Variants in PLIN1 observed in about 807,000 individuals in gnomAD.
PLIN1 encodes perilipin-1.
In PLIN1, 37 loss-of-function variants were observed where a neutral mutation model predicts 45.8. That is an observed-to-expected ratio of 0.81 (90% CI 0.62 to 1.06). The LOEUF (loss-of-function observed/expected upper bound fraction) is 1.06, where lower values mean the gene tolerates loss of function less well. Among genes scored for constraint, PLIN1 ranks in the 50% least tolerant of loss-of-function variants. PLIN1 has a pLI of 0.00. For synonymous variants in PLIN1, 340 were observed against 309.2 expected (o/e 1.10, Z -1.05); for missense variants, 776 against 716.5 (o/e 1.08, Z -0.95).
In PLIN1 at chr15:89,665,896, A is replaced by G. The variant is rs933955180; in HGVS notation, c.1256T>C (p.Ile419Thr). ...LMEPESEFRDIDNPPAEVERR... is the reference protein window; with the variant it reads ...LMEPESEFRDTDNPPAEVERR... Reference sequence around the variant, plus strand: ...CTCGACCTCGGCTGGTGGGTTGTCGATGTCCCGGAATTCGCTCTCGGGCTC... The same window carrying G: ...CTCGACCTCGGCTGGTGGGTTGTCGGTGTCCCGGAATTCGCTCTCGGGCTC... The change falls in exon 9 of 9, where the codon ATC (isoleucine) becomes ACC (threonine). Residue 419 changes from isoleucine to threonine, a missense_variant. Transcript: ENST00000300055. 17 of 1,534,194 alleles carry G rather than the reference A, an allele frequency of 1.1e-5. No individual in the cohort carries two copies. Among genetic ancestry groups the G allele is most frequent in the Non-Finnish European group, 1.5e-5 (17 of 1,149,792 alleles).
In PLIN1 at chr15:89,670,642, C is replaced by T. The variant is rs8179039; in HGVS notation, c.334-398G>A. Among the ~76,000 whole-genome samples the T allele has an allele frequency of 7.1e-3, 1,080 of 152,320 alleles. 40 individuals are homozygous for T. Among genetic ancestry groups the T allele is most frequent in the Admixed American group, 0.052 (799 of 15,298 alleles). ...GCTTGATCTTCCTACAAGTTCTGCACTGAAATAATTTGTCTTTTTCTTCAT... is the reference window on the plus strand; with the variant it reads ...GCTTGATCTTCCTACAAGTTCTGCATTGAAATAATTTGTCTTTTTCTTCAT... On this transcript the variant is annotated intron_variant, in intron 4 of 8. Coordinates refer to ENST00000300055, the MANE Select transcript of PLIN1 (RefSeq NM_002666.5).
Position 89,666,945 on chromosome 15 carries a change from A to G in PLIN1, c.1200T>C (p.His400=), listed in dbSNP as rs1964351283. ...VTDNVVDTVV[H]YVPLPRLSLM... ...CAGGGGTGGTACTCACCGGCACGTA[A>G]TGCACCACTGTGTCCACCACGTTGT... The change falls in exon 8 of 9, where the codon CAT becomes CAC. Residue 400 remains histidine, a synonymous_variant. Transcript: ENST00000300055. 2.5e-6 allele frequency: 4 copies of G among 1,613,902 alleles called. No homozygotes were observed. Among genetic ancestry groups the G allele is most frequent in the Non-Finnish European group, 3.4e-6 (4 of 1,179,960 alleles).
At chr15:89,677,604 T>C in intron 1 of PLIN1, 101 bp from the exon 2 acceptor site, 1 of 956,394 alleles carries the variant, frequency 1.0e-6, no homozygotes, top group South Asian at 1.3e-5. Context: ...CCAGGCTGCC[T>C]GGGGGCCCAT....
intron 1 of PLIN1, chr15:89,677,911 C>T (rs568393140): frequency 1.1e-4 from 19 of 170,366 alleles, no homozygotes; most frequent in East Asian, 8.0e-4. Context: ...CCACCACGCC[C>T]GGCTAGTTTT....
At chr15:89,675,999 C>T (rs950648256) in intron 2 of PLIN1, among the ~76,000 whole-genome samples, 2 of 151,798 alleles carry the variant, frequency 1.3e-5, no homozygotes, top group Non-Finnish European at 2.9e-5. Flanking sequence ...TTCCTATGTT[C>T]TTTTCTGTCT....
chr15:89,672,886 C>T (rs1278497598), intron 3 of PLIN1, among the ~76,000 whole-genome samples: 1 of 152,228 alleles, frequency 6.6e-6, no homozygotes, highest in Non-Finnish European at 1.5e-5. Context: ...GCCTGTGCTG[C>T]GACAGTGAGT....
chr15:89,677,058 C>T (rs1964530040), intron 2 of PLIN1: 3 of 289,264 alleles, frequency 1.0e-5, no homozygotes, highest in Middle Eastern at 1.2e-3. Context: ...TGACATTTGC[C>T]GTTATGAATG....
In PLIN1 at chr15:89,665,735, C is replaced by G; in HGVS notation, c.1417G>C (p.Glu473Gln). ...CGCGGCGCTGCGGGCGTGGCGACTT[C>G]GTCCTCCAGGCCCGGGCCGGGGGGC... is the stretch of plus-strand genomic sequence containing the variant. Reference protein sequence around the residue: ...GAPPGPGLEDEVATPAAPRPG... With the variant: ...GAPPGPGLEDQVATPAAPRPG... The change falls in exon 9 of 9, where the codon GAA becomes CAA. Residue 473 changes from glutamate (E) to glutamine (Q), a missense_variant. By Grantham distance (29) the Glu-to-Gln change is conservative. Transcript: ENST00000300055. The G allele has an allele frequency of 6.9e-7, 1 of 1,448,996 alleles. No homozygotes were observed. 89.8% of individuals were successfully genotyped at this position (1,448,996 alleles called of 1,614,324 possible).
chr15:89,664,600 C>A lies in PLIN1; in HGVS notation c.*983G>T. On this transcript the variant is annotated 3_prime_UTR_variant, in exon 9 of 9. Transcript: ENST00000300055. ...AAAAGCAGGCATGCGTAACACCCCACAGCTTGTGTAAACACAAGCGGGGAG... is the reference window on the plus strand; with the variant it reads ...AAAAGCAGGCATGCGTAACACCCCAAAGCTTGTGTAAACACAAGCGGGGAG... 1 of 292,862 alleles carries A rather than the reference C, an allele frequency of 3.4e-6. No homozygotes were observed. The highest frequency in any genetic ancestry group is 6.7e-6 in the Non-Finnish European group (1 of 148,318). The allele number at this position is 292,862 out of a possible 1,614,324, so 18.1% of individuals were successfully genotyped here.
chr15:89,671,475 G>A lies in PLIN1; in HGVS notation c.333+7C>T. The A allele has an allele frequency of 1.3e-6, 2 of 1,557,554 alleles. No homozygotes were observed. The highest frequency in any genetic ancestry group is 1.7e-6 in the Non-Finnish European group (2 of 1,147,670). On this transcript the variant is annotated splice_region_variant and intron_variant, in intron 4 of 8. Transcript: ENST00000300055. ...CAGGGAGGCTTCGAGAGGTGGGAAG[G>A]GCTCACCTTTTCAGGGGGGTACTGG...
rs1964564128 is a variant in PLIN1, at chr15:89,679,316, A to G, written c.-80T>C. On this transcript the variant is annotated 5_prime_UTR_variant, in exon 1 of 9. Coordinates refer to ENST00000300055, the MANE Select transcript of PLIN1 (RefSeq NM_002666.5). ...AAGGCAGGTGCCCCAGGACCCCAAC[A>G]CTCACTCCGGCTGACCGCCACCTCA... 6.6e-6 allele frequency: 1 copy of G among 152,300 alleles called. No homozygotes were observed. The highest frequency in any genetic ancestry group is 2.1e-4 in the South Asian group (1 of 4,802). The allele number at this position is 152,300 out of a possible 1,614,324, so 9.4% of individuals were successfully genotyped here.
intron 6 of PLIN1, among the ~76,000 whole-genome samples, chr15:89,668,507 G>A (rs897524308): frequency 3.3e-5 from 5 of 152,188 alleles, no homozygotes; most frequent in South Asian, 2.1e-4. Context: ...TCTTTTAAGA[G>A]TGAAAAATTC....
Position 89,665,744 on chromosome 15 carries a change from G to T in PLIN1, c.1408C>A (p.Leu470Met). The change falls in exon 9 of 9, where the codon CTG (leucine) becomes ATG (methionine). Residue 470 changes from leucine to methionine, a missense_variant. Transcript: ENST00000300055. ...QSPGAPPGPGLEDEVATPAAP... is the reference protein window; with the variant it reads ...QSPGAPPGPGMEDEVATPAAP... Reference sequence around the variant, plus strand: ...GCGGGCGTGGCGACTTCGTCCTCCAGGCCCGGGCCGGGGGGCGCGCCGGGG... The same window carrying T: ...GCGGGCGTGGCGACTTCGTCCTCCATGCCCGGGCCGGGGGGCGCGCCGGGG... 7.3e-7 allele frequency: 1 copy of T among 1,365,884 alleles called. No individual in the cohort carries two copies. Among genetic ancestry groups the T allele is most frequent in the African/African-American group, 1.5e-5 (1 of 65,652 alleles). The allele number at this position is 1,365,884 out of a possible 1,614,324, so 84.6% of individuals were successfully genotyped here. A position where few individuals can be genotyped will look rare whatever the true frequency, so the allele number is the denominator to read the frequency against.
chr15:89,673,558 A>G lies in PLIN1; in HGVS notation c.46-144T>C, dbSNP rs531475769. The G allele has an allele frequency of 2.9e-5, 20 of 695,434 alleles. No individual in the cohort carries two copies. In the African/African-American group the frequency reaches 3.5e-4, roughly 12 times the overall value. The allele number at this position is 695,434 out of a possible 1,614,324, so 43.1% of individuals were successfully genotyped here. ...GAACCAAGGCCAAAGAGGTCTCTAG[A>G]TGCCCCAATCATGGGAGCGTGGGAG... On this transcript the variant is annotated intron_variant, in intron 2 of 8. Transcript: ENST00000300055.
At position 89,667,023 on chromosome 15, in the gene PLIN1, G is replaced by A. The variant is rs1387180277; in HGVS notation, c.1122C>T (p.Ser374=). The change falls in exon 8 of 9, where the codon TCC becomes TCT. Residue 374 remains serine (S), a synonymous_variant. Transcript: ENST00000300055. ...GGGACATGGCCCTCCCCTTGGTTGA[G>A]GAGACAGCAGGGGCTGGTGTGAGGT... The part of the protein sequence containing the change: ...VLHLTPAPAV[S]STKGRAMSLS... The A allele has an allele frequency of 6.2e-7, 1 of 1,614,044 alleles. No individual in the cohort carries two copies. Among genetic ancestry groups the A allele is most frequent in the East Asian group, 2.2e-5 (1 of 44,888 alleles).
chr15:89,669,579 C>A lies in PLIN1; in HGVS notation c.692G>T (p.Arg231Leu), dbSNP rs114583540. ...RVGALTNTLS[R>L]YTVQTMARAL... The stretch of plus-strand genomic sequence containing the variant: ...CCGGGCCATGGTCTGCACGGTGTAT[C>A]GAGAGAGGGTGTTGGTCAGAGCCCC... The change falls in exon 6 of 9, where the codon CGA becomes CTA. Residue 231 changes from arginine (R) to leucine (L), a missense_variant. Coordinates refer to ENST00000300055, the MANE Select transcript of PLIN1 (RefSeq NM_002666.5). 1.4e-3 allele frequency: 2,286 copies of A among 1,613,954 alleles called. 32 individuals are homozygous for A. In the African/African-American group the frequency reaches 0.026, roughly 18 times the overall value.
At chr15:89,671,931 T>A (rs1964447286) in intron 3 of PLIN1, among the ~76,000 whole-genome samples, 1 of 152,246 alleles carries the variant, frequency 6.6e-6, no homozygotes, top group African/African-American at 2.4e-5. Flanking sequence ...TGAAGAAGAA[T>A]GATGGGAGCT....
intron 4 of PLIN1, 50 bp from the exon 5 acceptor site, chr15:89,670,294 A>C: frequency 6.3e-7 from 1 of 1,579,394 alleles, no homozygotes; most frequent in Middle Eastern, 1.7e-4. Flanking sequence ...CAGGCCCTAC[A>C]AGGGCTGCCC....
Position 89,664,637 on chromosome 15 carries a change from G to T in PLIN1, c.*946C>A. The T allele has an allele frequency of 3.0e-6, 1 of 336,970 alleles. No individual in the cohort carries two copies. Among genetic ancestry groups the T allele is most frequent in the Non-Finnish European group, 5.9e-6 (1 of 170,804 alleles). The allele number at this position is 336,970 out of a possible 1,614,324, so 20.9% of individuals were successfully genotyped here. On this transcript the variant is annotated 3_prime_UTR_variant, in exon 9 of 9. Coordinates refer to ENST00000300055, the MANE Select transcript of PLIN1 (RefSeq NM_002666.5). The stretch of plus-strand genomic sequence containing the variant: ...ACACAAGCGGGGAGTGCATACACAC[G>T]TGCCTGCAGGTGCATAGCCCTGCAT...
Sources: gnomAD v4.1 joint callset for allele counts (sites outside exome capture counted in the v4.1 genomes callset) on GRCh38, gnomAD v4.1.1 for gene constraint, MANE v1.5 for transcripts, NCBI Gene and HGNC (gene_info 2026-07-23, HGNC 2026-07-21) for gene names.